The following ERCC6 variants were observed in gnomAD, a reference collection of about 807,000 sequenced individuals.
ERCC6 encodes ERCC excision repair 6, chromatin remodeling factor.
A neutral mutation model predicts 158.7 loss-of-function variants in ERCC6; 116 were observed. The ratio of observed to expected loss-of-function variants is 0.73; its 90% CI spans 0.63 to 0.85. The LOEUF (loss-of-function observed/expected upper bound fraction) is 0.85. ERCC6 is among the 40% of genes least tolerant of loss of function. ERCC6 has a pLI of 0.00. For synonymous variants in ERCC6, 678 were observed against 659.3 expected, an observed-to-expected ratio of 1.03 and a Z score of -0.43; for missense variants, 1,698 against 1,799.4, an observed-to-expected ratio of 0.94 and a Z score of 1.02.
intron 5 of ERCC6, among the ~76,000 whole-genome samples, chr10:49,522,458 A>G (rs1439796417): frequency 6.6e-6 from 1 of 152,208 alleles, no homozygotes; most frequent in Non-Finnish European, 1.5e-5. Context: ...AGAGTTATTG[A>G]TATTTCTGAA....
chr10:49,443,406 G>A, the ERCC6 span, among the ~76,000 whole-genome samples: 3 of 152,128 alleles, frequency 2.0e-5, no homozygotes, highest in East Asian at 5.8e-4. Flanking sequence ...ATCATGGATG[G>A]AATACACAAT....
rs935635167 is a variant in ERCC6 at position 49,455,915 on chromosome 10, C to A, written c.*2900G>T. 6.6e-6 allele frequency: 1 copy of A among 152,126 alleles called. No individual in the cohort carries two copies. The highest frequency in any genetic ancestry group is 1.5e-5 in the Non-Finnish European group (1 of 68,034). 9.4% of individuals were successfully genotyped at this position (152,126 alleles called of 1,614,324 possible). The stretch of plus-strand genomic sequence containing the variant: ...TGGCAAGGGTTTGGAGAAATGGGTC[C>A]TTTTATGGAGGGTGAATTGATGCAA... On this transcript the variant is annotated 3_prime_UTR_variant, in exon 21 of 21. Transcript: ENST00000355832.
intron 5 of ERCC6, among the ~76,000 whole-genome samples, chr10:49,509,825 T>C (rs1390819437): frequency 6.6e-6 from 1 of 152,052 alleles, no homozygotes; most frequent in Admixed American, 6.6e-5. Flanking sequence ...AGAAAACAAA[T>C]AACTTTTTCA....
chr10:49,490,682 C>A (rs1326383081), intron 8 of ERCC6, among the ~76,000 whole-genome samples: 1 of 152,260 alleles, frequency 6.6e-6, no homozygotes, highest in African/African-American at 2.4e-5. Flanking sequence ...ATACCAGCTA[C>A]AACAAAGCAT....
intron 5 of ERCC6, among the ~76,000 whole-genome samples, chr10:49,509,722 T>A (rs1851502996): frequency 1.3e-5 from 2 of 152,046 alleles, no homozygotes; most frequent in Non-Finnish European, 2.9e-5. Flanking sequence ...AGAAATGACC[T>A]CAAAATGTCT....
chr10:49,483,192 G>C (rs1851010501), intron 9 of ERCC6, among the ~76,000 whole-genome samples, 154 bp downstream of exon 9: 1 of 152,172 alleles, frequency 6.6e-6, no homozygotes, highest in Non-Finnish European at 1.5e-5. Context: ...CAAAAATAAA[G>C]AGTTTTCTGC....
chr10:49,507,120 G>T (rs1352919176), intron 5 of ERCC6, among the ~76,000 whole-genome samples: 3 of 152,138 alleles, frequency 2.0e-5, no homozygotes, highest in African/African-American at 7.2e-5. Flanking sequence ...GTGTTGTCCA[G>T]TATCCATTAC....
rs753804966 is a variant in ERCC6 at position 49,472,994 on chromosome 10, C to A, written c.2744G>T (p.Arg915Leu). The A allele has an allele frequency of 6.2e-7, 1 of 1,614,072 alleles. No individual in the cohort carries two copies. Among genetic ancestry groups the A allele is most frequent in the Non-Finnish European group, 8.5e-7 (1 of 1,180,014 alleles). ...CAGGTTGACACCTAAGCCGCCCACC[C>A]GCGTGGTCAGAAGAAACACAAATAT... ...TSIFVFLLTT[R>L]VGGLGVNLTG... is the part of the protein sequence containing the mutation. The change falls in exon 15 of 21, where the codon CGG (arginine) becomes CTG (leucine). Residue 915 changes from arginine (R) to leucine (L), a missense_variant. By Grantham distance (102) the Arg-to-Leu change is moderately radical. Coordinates refer to ENST00000355832, the MANE Select transcript of ERCC6 (RefSeq NM_000124.4).
intron 7 of ERCC6, among the ~76,000 whole-genome samples, chr10:49,499,316 TC>T (rs1164584509): frequency 6.6e-6 from 1 of 152,218 alleles, no homozygotes; most frequent in African/African-American, 2.4e-5. Context: ...CAAACACTCC[TC>T]ACAGAAGTAT....
Position 49,532,560 on chromosome 10 carries a change from C to T in ERCC6, c.405G>A (p.Ser135=), listed in dbSNP as rs773706080. Residue 135 remains serine, a synonymous_variant, in exon 2 of 21, where the codon TCG becomes TCA. Transcript: ENST00000355832. ...QLVDVEKEYR[S]VLDDLTSCTT... ...GCACTCACGTGAGGTCATCCAGGAC[C>T]GACCGATACTCCTTCTCCACGTCAA... is the stretch of plus-strand genomic sequence containing the variant. The T allele has an allele frequency of 6.8e-6, 11 of 1,613,940 alleles. No homozygotes were observed. The highest frequency in any genetic ancestry group is 2.7e-5 in the African/African-American group (2 of 74,924).
chr10:49,537,508 TAC>T (rs36057162), intron 1 of ERCC6, among the ~76,000 whole-genome samples: 11,325 of 145,484 alleles, frequency 0.078, 486 homozygotes, highest in Middle Eastern at 0.11. Flanking sequence ...TATATACACA[TAC>T]ACACACACAC....
the ERCC6 span, among the ~76,000 whole-genome samples, chr10:49,442,364 C>T: frequency 6.6e-6 from 1 of 152,144 alleles, no homozygotes; most frequent in South Asian, 2.1e-4. Context: ...GCACAGGGCA[C>T]CGAATTCCCT....
intron 4 of ERCC6, among the ~76,000 whole-genome samples, chr10:49,526,483 G>C (rs1837343633): frequency 6.6e-6 from 1 of 151,854 alleles, no homozygotes; most frequent in Non-Finnish European, 1.5e-5. Flanking sequence ...TGAGTCCTTT[G>C]ATTCACACAT....
At chr10:49,509,882 C>T (rs1311145775) in intron 5 of ERCC6, among the ~76,000 whole-genome samples, 1 of 152,174 alleles carries the variant, frequency 6.6e-6, no homozygotes, top group Non-Finnish European at 1.5e-5. Flanking sequence ...GTAATAGTCA[C>T]AGCTGCAGCC....
chr10:49,479,604 T>C (rs1850940718), intron 10 of ERCC6, among the ~76,000 whole-genome samples: 1 of 152,202 alleles, frequency 6.6e-6, no homozygotes, highest in Non-Finnish European at 1.5e-5. Context: ...GCAGAGATGA[T>C]GAAATTTCAG....
intron 18 of ERCC6, among the ~76,000 whole-genome samples, chr10:49,464,955 C>G (rs1311313672): frequency 6.6e-6 from 1 of 152,228 alleles, no homozygotes; most frequent in East Asian, 1.9e-4. Context: ...AGTCCCCACA[C>G]AGAGTCCCTA....
the ERCC6 span, among the ~76,000 whole-genome samples, chr10:49,444,627 T>C: frequency 1.9e-3 from 296 of 152,284 alleles, no homozygotes; most frequent in Non-Finnish European, 1.9e-3. Context: ...ATGGACACTA[T>C]TGAAAAGCAA....
chr10:49,516,446 T>C (rs1299726479), intron 5 of ERCC6: 2 of 1,614,168 alleles, frequency 1.2e-6, no homozygotes, highest in South Asian at 2.2e-5. Flanking sequence ...AAAATATAGT[T>C]TCAAACCGGT....
At chr10:49,460,108 G>A (rs535219338) in intron 20 of ERCC6, 39 of 524,762 alleles carry the variant, frequency 7.4e-5, no homozygotes, top group East Asian at 1.8e-4. Flanking sequence ...TCCTAGCAGC[G>A]ACACACCTAT....
Sources: allele counts gnomAD v4.1 joint callset (sites outside exome capture counted in the v4.1 genomes callset), GRCh38; gene constraint gnomAD v4.1.1; transcripts MANE v1.5; gene names NCBI Gene and HGNC (gene_info 2026-07-23, HGNC 2026-07-21).